MSH3: variants seen among roughly 807,000 people sequenced by gnomAD.
MSH3 encodes mutS homolog 3, also known as DNA mismatch repair protein Msh3.
Under a neutral mutation model 123.3 loss-of-function variants are expected in MSH3, and 106 were observed. That is an observed-to-expected ratio of 0.86 (90% confidence interval 0.73 to 1.01). The LOEUF (loss-of-function observed/expected upper bound fraction) is 1.01, where lower values mean the gene tolerates loss of function less well. Among genes scored for constraint, MSH3 ranks in the 50% least tolerant of loss-of-function variants. MSH3 has a pLI of 0.00. For synonymous variants in MSH3, 515 were observed against 481.4 expected (o/e 1.07, Z -0.91); for missense variants, 1,459 against 1,347.6 (o/e 1.08, Z -1.29).
At chr5:80,681,296 A>G (rs2112820898) in intron 8 of MSH3, among the ~76,000 whole-genome samples, 1 of 152,244 alleles carries the variant, frequency 6.6e-6, no homozygotes, top group South Asian at 2.1e-4. Context: ...TAAAATCTGG[A>G]AAAAAATTTT....
chr5:80,740,139 G>C (rs897800900), intron 10 of MSH3, among the ~76,000 whole-genome samples: 2 of 152,182 alleles, frequency 1.3e-5, no homozygotes, highest in Non-Finnish European at 2.9e-5. Flanking sequence ...GTACTGCATT[G>C]ATTAGTACTT....
chr5:80,787,338 T>C (rs1365657485), intron 17 of MSH3, among the ~76,000 whole-genome samples: 9 of 152,218 alleles, frequency 5.9e-5, no homozygotes, highest in Non-Finnish European at 1.2e-4. Flanking sequence ...TATCTTTACA[T>C]AGAAGTTGTT....
At chr5:80,730,457 AGTGGAGTT>A (rs1380474208) in intron 10 of MSH3, among the ~76,000 whole-genome samples, 1 of 152,184 alleles carries the variant, frequency 6.6e-6, no homozygotes, top group East Asian at 1.9e-4. Flanking sequence ...GACGTGGCAT[AGTGGAGTT>A]CTAACTGATG....
At chr5:80,828,874 T>G (rs1310162970) in intron 20 of MSH3, among the ~76,000 whole-genome samples, 5 of 152,208 alleles carry the variant, frequency 3.3e-5, no homozygotes, top group Non-Finnish European at 7.3e-5. Context: ...CCACCTAGGC[T>G]TTCCTGGGCT....
At chr5:80,693,480 T>TATAG (rs1561446020) in intron 8 of MSH3, among the ~76,000 whole-genome samples, 31 of 146,760 alleles carry the variant, frequency 2.1e-4, no homozygotes, top group Non-Finnish European at 3.3e-4. Flanking sequence ...TATATGTTTA[T>TATAG]ATAAATATGC....
chr5:80,820,882 G>A (rs142520353), intron 20 of MSH3, among the ~76,000 whole-genome samples: 1 of 152,196 alleles, frequency 6.6e-6, no homozygotes, highest in Non-Finnish European at 1.5e-5. Context: ...TGCTGAGTAA[G>A]AGGAGATTTG....
At chr5:80,789,545 A>G (rs188539181) in intron 18 of MSH3, among the ~76,000 whole-genome samples, 1 of 151,880 alleles carries the variant, frequency 6.6e-6, no homozygotes, top group Non-Finnish European at 1.5e-5. Context: ...TAATTTTCAT[A>G]TTTTTGGTAG....
At chr5:80,807,563 G>A (rs990292207) in intron 19 of MSH3, among the ~76,000 whole-genome samples, 3 of 152,180 alleles carry the variant, frequency 2.0e-5, no homozygotes, top group Admixed American at 6.5e-5. Context: ...GCTCAAAAAC[G>A]AGTAATACGT....
At chr5:80,845,454 C>G (rs988719042) in intron 20 of MSH3, among the ~76,000 whole-genome samples, 51 of 152,186 alleles carry the variant, frequency 3.4e-4, no homozygotes, top group Admixed American at 8.5e-4. Flanking sequence ...GCCTGCCTTG[C>G]TAGGTTAGGG....
At chr5:80,825,749 T>C (rs754105284) in intron 20 of MSH3, among the ~76,000 whole-genome samples, 18 of 152,354 alleles carry the variant, frequency 1.2e-4, no homozygotes, top group South Asian at 6.2e-4. Flanking sequence ...TGATGATATT[T>C]CTATATATTC....
At chr5:80,672,074 CT>C (rs1220226441) in intron 4 of MSH3, among the ~76,000 whole-genome samples, 169 bp from the exon 5 acceptor site, 1 of 152,120 alleles carries the variant, frequency 6.6e-6, no homozygotes, top group African/African-American at 2.4e-5. Flanking sequence ...AAACCATAGG[CT>C]TCTATACAGG....
chr5:80,664,626 T>C (rs940607281), intron 2 of MSH3, among the ~76,000 whole-genome samples: 1 of 152,172 alleles, frequency 6.6e-6, no homozygotes, highest in Non-Finnish European at 1.5e-5. Context: ...AGGGAACAAA[T>C]TGCTTTGAAC....
chr5:80,742,626 T>C (rs1366739244), intron 11 of MSH3, among the ~76,000 whole-genome samples: 1 of 152,230 alleles, frequency 6.6e-6, no homozygotes, highest in African/African-American at 2.4e-5. Flanking sequence ...TATTAACTAG[T>C]TTCTCTCAGT....
chr5:80,665,852 A>G (rs934419895), intron 3 of MSH3, among the ~76,000 whole-genome samples: 2 of 152,184 alleles, frequency 1.3e-5, no homozygotes, highest in Admixed American at 1.3e-4. Context: ...AATGGTTTTC[A>G]TAACTGCAGA....
At chr5:80,673,209 G>A (rs1251322552) in intron 6 of MSH3, among the ~76,000 whole-genome samples, 4 of 152,110 alleles carry the variant, frequency 2.6e-5, no homozygotes, top group Non-Finnish European at 5.9e-5. Flanking sequence ...AGCTCCTCAG[G>A]GTCTTTCCAA....
At chr5:80,741,394 A>G in intron 10 of MSH3, 70 bp from the exon 11 acceptor site, 1 of 998,666 alleles carries the variant, frequency 1.0e-6, no homozygotes, top group Admixed American at 1.8e-5. Context: ...GCATGTTTCT[A>G]GTTCCTGAAT....
intron 19 of MSH3, among the ~76,000 whole-genome samples, chr5:80,806,191 C>G (rs1190748701): frequency 1.3e-5 from 2 of 152,044 alleles, no homozygotes; most frequent in African/African-American, 2.4e-5. Flanking sequence ...CTCCGCCTCC[C>G]AGGTTCAAGT....
At chr5:80,856,406 A>G (rs573786854) in intron 21 of MSH3, among the ~76,000 whole-genome samples, 2 of 152,112 alleles carry the variant, frequency 1.3e-5, no homozygotes, top group African/African-American at 4.8e-5. Flanking sequence ...TTATAGGGAC[A>G]TGGATGAAGC....
intron 3 of MSH3, 108 bp from the exon 4 acceptor site, chr5:80,669,989 T>C: frequency 1.0e-6 from 1 of 1,001,974 alleles, no homozygotes; most frequent in South Asian, 1.4e-5. Context: ...AAACTTTTCA[T>C]CTAGATTCAC....
Sources: allele counts gnomAD v4.1 joint callset (sites outside exome capture counted in the v4.1 genomes callset), GRCh38; gene constraint gnomAD v4.1.1; transcripts MANE v1.5; gene names NCBI Gene and HGNC (gene_info 2026-07-23, HGNC 2026-07-21).